The following MAP3K13 variants were observed in gnomAD, a reference collection of about 807,000 sequenced individuals.
MAP3K13 encodes the protein leucine zipper-bearing kinase.
In MAP3K13, 52 loss-of-function variants were observed where a neutral mutation model predicts 104.0. That is an observed-to-expected ratio of 0.50 (90% confidence interval 0.40 to 0.63). The LOEUF (loss-of-function observed/expected upper bound fraction) is 0.63. Ranked by LOEUF, MAP3K13 falls within the 20% of genes least tolerant of loss-of-function variation. The pLI is 0.00. For synonymous variants in MAP3K13, 394 were observed against 442.2 expected, an observed-to-expected ratio of 0.89 and a Z score of 1.37; for missense variants, 914 against 1,218.5, an observed-to-expected ratio of 0.75 and a Z score of 3.72.
intron 1 of MAP3K13, among the ~76,000 whole-genome samples, chr3:185,408,103 A>G (rs1713222814): frequency 6.6e-6 from 1 of 151,976 alleles, no homozygotes; most frequent in African/African-American, 2.4e-5. Context: ...GTTTATGTTC[A>G]ACCTATCACA....
Position 185,463,583 on chromosome 3 carries a change from G to T in MAP3K13, c.1312G>T (p.Glu438Ter). 1 of 1,611,912 alleles carries T rather than the reference G, an allele frequency of 6.2e-7. No individual in the cohort carries two copies. Among genetic ancestry groups the T allele is most frequent in the South Asian group, 1.1e-5 (1 of 90,844 alleles). The change falls in exon 8 of 14, where the codon GAG (glutamate) becomes TAG (stop). Residue 438 changes from glutamate (E) to a stop codon, truncating the protein, a stop_gained. Coordinates refer to ENST00000265026, the MANE Select transcript of MAP3K13 (RefSeq NM_004721.5). LOFTEE classifies it high-confidence loss of function. ...GAGAGAAGAAGTGAAAAAACATTTTGAGAAGATCAAAAGTGAAGGAACTTG... is the reference window on the plus strand; with the variant it reads ...GAGAGAAGAAGTGAAAAAACATTTTTAGAAGATCAAAAGTGAAGGAACTTG... The part of the protein sequence containing the change: ...EWREEVKKHF[E>*]KIKSEGTCIH...
intron 2 of MAP3K13, among the ~76,000 whole-genome samples, chr3:185,288,255 C>T (rs918179868): frequency 2.6e-5 from 4 of 151,818 alleles, no homozygotes; most frequent in African/African-American, 9.7e-5. Flanking sequence ...AGGAGATGAA[C>T]CTGAATGTAA....
chr3:185,398,589 A>G (rs1483428755), intron 1 of MAP3K13, among the ~76,000 whole-genome samples: 1 of 152,164 alleles, frequency 6.6e-6, no homozygotes, highest in Non-Finnish European at 1.5e-5. Flanking sequence ...CTTTTTAAAA[A>G]ATTATTTAGT....
At chr3:185,384,335 TGTGA>T (rs977017567) in intron 1 of MAP3K13, among the ~76,000 whole-genome samples, 9 of 152,028 alleles carry the variant, frequency 5.9e-5, no homozygotes, top group East Asian at 3.9e-4. Context: ...TGTGTGTGTG[TGTGA>T]GACACATTGT....
chr3:185,421,725 AG>A (rs1029057467), intron 1 of MAP3K13, among the ~76,000 whole-genome samples: 15 of 152,268 alleles, frequency 9.9e-5, no homozygotes, highest in African/African-American at 3.6e-4. Context: ...AGAGGAACTG[AG>A]AGGGCAGAAG....
At chr3:185,349,376 T>A (rs1723054931) in intron 2 of MAP3K13, among the ~76,000 whole-genome samples, 1 of 152,290 alleles carries the variant, frequency 6.6e-6, no homozygotes, top group Non-Finnish European at 1.5e-5. Flanking sequence ...TATTTGGTTC[T>A]CTCTTTCTGC....
At chr3:185,285,325 A>G in intron 1 of MAP3K13, 2 of 256,686 alleles carry the variant, frequency 7.8e-6, no homozygotes, top group Non-Finnish European at 1.5e-5. Flanking sequence ...TTATGTTAAT[A>G]TTATTGTCTT....
rs542366808 is a variant in MAP3K13, at chr3:185,341,897, C to T, written c.-86+56254C>T. Among the ~76,000 whole-genome samples the T allele has an allele frequency of 3.3e-5, 5 of 152,312 alleles. No individual in the cohort carries two copies. In the East Asian group the frequency reaches 9.6e-4, roughly 29 times the overall value. On this transcript the variant is annotated intron_variant, in intron 2 of 14. Transcript: ENST00000424227. ...AGTAGCTGTGATACAGACTATAAGG[C>T]ATACAAATCTAAAATATTTACTATC...
intron 9 of MAP3K13, among the ~76,000 whole-genome samples, chr3:185,466,141 C>T (rs1044023694): frequency 6.6e-6 from 1 of 152,110 alleles, no homozygotes; most frequent in Non-Finnish European, 1.5e-5. Flanking sequence ...GGGTGAAGAC[C>T]GGGGAGCCGA....
chr3:185,292,452 C>T (rs1282682593), intron 2 of MAP3K13: 2 of 161,914 alleles, frequency 1.2e-5, no homozygotes, highest in Admixed American at 6.5e-5. Context: ...CTGTCTGCTT[C>T]GTACTAGGTA....
At chr3:185,381,437 C>T (rs769678618) in intron 1 of MAP3K13, among the ~76,000 whole-genome samples, 1 of 152,200 alleles carries the variant, frequency 6.6e-6, no homozygotes, top group Non-Finnish European at 1.5e-5. Flanking sequence ...CAAATCAATA[C>T]TCCTGGTGCT....
At chr3:185,334,796 A>G (rs1380643215) in intron 2 of MAP3K13, among the ~76,000 whole-genome samples, 3 of 152,020 alleles carry the variant, frequency 2.0e-5, no homozygotes, top group Non-Finnish European at 2.9e-5. Flanking sequence ...TTTAGTAGAG[A>G]CGGTGTTTCA....
chr3:185,457,490 C>G (rs931637032), intron 7 of MAP3K13, among the ~76,000 whole-genome samples: 5 of 152,140 alleles, frequency 3.3e-5, no homozygotes, highest in African/African-American at 7.2e-5. Flanking sequence ...TGTGTCCTCA[C>G]GAGGTGGAAG....
chr3:185,455,510 TGA>T (rs1232519906), intron 7 of MAP3K13, among the ~76,000 whole-genome samples: 2 of 63,446 alleles, frequency 3.2e-5, no homozygotes, highest in South Asian at 5.9e-4. Context: ...GAGATATATA[TGA>T]GATATATATG....
intron 2 of MAP3K13, among the ~76,000 whole-genome samples, chr3:185,341,950 C>A (rs563497599): frequency 1.2e-3 from 190 of 152,244 alleles, no homozygotes; most frequent in African/African-American, 4.4e-3. Context: ...GTTTGCCAAG[C>A]CCTGAACTAG....
At chr3:185,354,576 C>A (rs1723271722) in intron 2 of MAP3K13, among the ~76,000 whole-genome samples, 1 of 141,778 alleles carries the variant, frequency 7.1e-6, no homozygotes, top group Non-Finnish European at 1.5e-5. Context: ...TCATCAAGAG[C>A]CTCAAGAACA....
chr3:185,454,494 A>ATGATATATAT (rs1716178086), intron 7 of MAP3K13, among the ~76,000 whole-genome samples: 1 of 102,170 alleles, frequency 9.8e-6, no homozygotes, highest in East Asian at 2.6e-4. Flanking sequence ...TGATATATAT[A>ATGATATATAT]CATATATATG....
intron 1 of MAP3K13, among the ~76,000 whole-genome samples, chr3:185,402,453 T>C (rs1234599529): frequency 6.6e-6 from 1 of 152,180 alleles, no homozygotes; most frequent in East Asian, 1.9e-4. Context: ...GGAGTCTGTG[T>C]CCTTTCTTCT....
chr3:185,290,282 T>C (rs561052008), intron 2 of MAP3K13, among the ~76,000 whole-genome samples: 1 of 152,304 alleles, frequency 6.6e-6, no homozygotes, highest in East Asian at 1.9e-4. Flanking sequence ...AATTAGGTTA[T>C]AGAAAATATA....
Sources: gnomAD v4.1 joint callset for allele counts (sites outside exome capture counted in the v4.1 genomes callset) on GRCh38, gnomAD v4.1.1 for gene constraint, MANE v1.5 for transcripts, NCBI Gene and HGNC (gene_info 2026-07-23, HGNC 2026-07-21) for gene names.